Variants in NME9 observed in about 807,000 individuals in gnomAD.
NME9 encodes the protein thioredoxin domain-containing protein 6.
Under a neutral mutation model 44.4 loss-of-function variants are expected in NME9, and 48 were observed. The observed-to-expected ratio is 1.08, with a 90% CI of 0.86 to 1.37. NME9 has a LOEUF of 1.37. Ranked by LOEUF, NME9 falls within the 40% of genes most tolerant of loss-of-function variation. The probability of loss-of-function intolerance (pLI) is 0.00; values close to 1 mark genes in which losing one functional copy is unlikely to be tolerated. For synonymous variants in NME9, 139 were observed against 147.1 expected, an observed-to-expected ratio of 0.94 and a Z score of 0.40; for missense variants, 325 against 405.2, an observed-to-expected ratio of 0.80 and a Z score of 1.70.
At chr3:138,296,313 C>G (rs938123392), downstream of NME9, 4 of 154,582 alleles carry the variant, frequency 2.6e-5, no homozygotes, top group African/African-American at 9.6e-5. Context: ...TTTTTCTTTT[C>G]TTATTTTGTG....
chr3:138,287,634 A>G (rs969550599), intron 8 of NME9: 5 of 456,558 alleles, frequency 1.1e-5, no homozygotes, highest in African/African-American at 1.0e-4. Context: ...GTCTTAAGGG[A>G]GCCCAAACTG....
At chr3:138,261,661 A>T (rs1197908990) in exon 9 of NME9, 1 of 152,242 alleles carries the variant, frequency 6.6e-6, no homozygotes, top group Non-Finnish European at 1.5e-5. Flanking sequence ...TAGCTTCAAG[A>T]GGTTAAAGTT....
intron 8 of NME9, among the ~76,000 whole-genome samples, chr3:138,264,491 C>G (rs540295289): frequency 7.9e-6 from 1 of 127,112 alleles, no homozygotes; most frequent in African/African-American, 3.0e-5. Flanking sequence ...ATGATCTTGG[C>G]TCACTGCAAC....
chr3:138,300,257 C>A (rs1261638357), downstream of NME9, among the ~76,000 whole-genome samples: 1 of 152,180 alleles, frequency 6.6e-6, no homozygotes, highest in Admixed American at 6.5e-5. Context: ...GTAGGGCCTA[C>A]TGAAGGTCAC....
intron 10 of NME9, chr3:138,303,209 C>A: frequency 3.9e-6 from 1 of 256,814 alleles, no homozygotes; most frequent in East Asian, 7.4e-5. Flanking sequence ...GAAATTTTCC[C>A]AATGGTTTCC....
At chr3:138,324,778 G>A in intron 2 of NME9, 95 bp downstream of exon 2, 1 of 910,004 alleles carries the variant, frequency 1.1e-6, no homozygotes, top group Non-Finnish European at 1.8e-6. Flanking sequence ...TAATAGGAAA[G>A]TGGTGTTCAT....
chr3:138,310,770 C>T (rs534925553), intron 6 of NME9, among the ~76,000 whole-genome samples: 2 of 152,166 alleles, frequency 1.3e-5, no homozygotes, highest in East Asian at 1.9e-4. Flanking sequence ...AGGAGTAATA[C>T]AGTAAAGGGG....
chr3:138,265,025 G>A (rs1178773805), intron 8 of NME9, among the ~76,000 whole-genome samples: 2 of 151,794 alleles, frequency 1.3e-5, no homozygotes, highest in East Asian at 3.9e-4. Context: ...GGCCTCCCAA[G>A]TAACTGGGAC....
chr3:138,262,317 C>T (rs932966248), exon 9 of NME9: 23 of 533,388 alleles, frequency 4.3e-5, no homozygotes, highest in Admixed American at 9.6e-5. Flanking sequence ...TGGTCTAGGG[C>T]GAGGAGTAGA....
chr3:138,289,766 G>T (rs544394001), intron 8 of NME9, among the ~76,000 whole-genome samples: 5 of 152,080 alleles, frequency 3.3e-5, no homozygotes, highest in Non-Finnish European at 5.9e-5. Flanking sequence ...GGGTCTCAAG[G>T]CTGGGTTGGC....
chr3:138,329,407 C>T lies in NME9; in HGVS notation c.-72G>A, dbSNP rs909913195. On this transcript the variant is annotated 5_prime_UTR_variant, in exon 1 of 11. Coordinates refer to ENST00000333911, the MANE Select transcript of NME9 (RefSeq NM_001349018.2). ...TCCCCCGCAGCCTCGCGACAAACCG[C>T]TGCGTGGATCAGCAAGCCCAGAGCC... 3 of 1,534,518 alleles carry T rather than the reference C, an allele frequency of 2.0e-6. No homozygotes were observed. Among genetic ancestry groups the T allele is most frequent in the Admixed American group, 2.0e-5 (1 of 50,826 alleles).
At chr3:138,263,310 G>A (rs1009028167) in intron 8 of NME9, among the ~76,000 whole-genome samples, 22 of 152,174 alleles carry the variant, frequency 1.4e-4, no homozygotes, top group African/African-American at 5.1e-4. Context: ...GTAGCCACAG[G>A]GTGGCTCTGT....
intron 6 of NME9, among the ~76,000 whole-genome samples, chr3:138,311,128 A>G (rs543837620): frequency 6.6e-6 from 1 of 152,282 alleles, no homozygotes; most frequent in South Asian, 2.1e-4. Flanking sequence ...TACACCAACA[A>G]ATTTGAAAAC....
At position 138,289,660 on chromosome 3, in the gene NME9, CAG is replaced by C. The variant is rs893355535; in HGVS notation, c.745+13845_745+13846del. On this transcript the variant is annotated intron_variant, in intron 8 of 8. Transcript: ENST00000317876. Reference sequence around the variant, plus strand: ...AATTTTTACACCAGGCCAATTAAATCAGAATCTCTCGGGGTGGGCTCCAGGCA... The same window carrying C: ...AATTTTTACACCAGGCCAATTAAATCAATCTCTCGGGGTGGGCTCCAGGCA... Among the ~76,000 whole-genome samples, 31 of 152,110 alleles carry C rather than the reference CAG, an allele frequency of 2.0e-4. 2 individuals are homozygous for C. The highest frequency in any genetic ancestry group is 4.1e-4 in the South Asian group (2 of 4,820).
intron 8 of NME9, among the ~76,000 whole-genome samples, chr3:138,269,888 AT>A (rs1180362690): frequency 7.9e-6 from 1 of 126,846 alleles, no homozygotes; most frequent in Non-Finnish European, 1.6e-5. Flanking sequence ...TCTCAAGGTG[AT>A]TTTTATGGCT....
intron 8 of NME9, among the ~76,000 whole-genome samples, chr3:138,289,462 G>C (rs1185190761): frequency 6.6e-6 from 1 of 152,208 alleles, no homozygotes; most frequent in African/African-American, 2.4e-5. Flanking sequence ...TGAGCCTTTC[G>C]TTTTGAGCAG....
intron 8 of NME9, chr3:138,272,930 G>T: frequency 6.9e-7 from 1 of 1,440,374 alleles, no homozygotes; most frequent in South Asian, 1.6e-5. Flanking sequence ...TAAAGTAAAT[G>T]TAGACATGAT....
chr3:138,317,442 G>A (rs567297037), intron 4 of NME9, among the ~76,000 whole-genome samples: 14 of 152,188 alleles, frequency 9.2e-5, no homozygotes, highest in Non-Finnish European at 2.1e-4. Flanking sequence ...ATTGCCATCC[G>A]AGCCTGGCAG....
chr3:138,307,430 A>G (rs527806251), intron 6 of NME9, among the ~76,000 whole-genome samples: 4 of 152,264 alleles, frequency 2.6e-5, no homozygotes, highest in African/African-American at 9.6e-5. Context: ...CCCATCACCT[A>G]TTTTGTTTCT....
Sources: allele counts gnomAD v4.1 joint callset (sites outside exome capture counted in the v4.1 genomes callset), GRCh38; gene constraint gnomAD v4.1.1; transcripts MANE v1.5; gene names NCBI Gene and HGNC (gene_info 2026-07-23, HGNC 2026-07-21).